Variants in RGS22 observed in about 807,000 individuals in gnomAD.
The protein encoded by RGS22 is regulator of G-protein signaling 22.
A neutral mutation model predicts 172.9 loss-of-function variants in RGS22; 148 were observed. The ratio of observed to expected loss-of-function variants is 0.86; its 90% CI spans 0.75 to 0.98. RGS22 has a LOEUF of 0.98. Ranked by LOEUF, RGS22 falls within the 50% of genes least tolerant of loss-of-function variation. The pLI, the probability that RGS22 is intolerant of heterozygous loss-of-function variation, is 0.00. For missense variants in RGS22, 1,347 were observed against 1,440.8 expected (o/e 0.93, Z 1.05); for synonymous variants, 458 against 480.2 (o/e 0.95, Z 0.60).
In RGS22 at chr8:99,967,023, C is replaced by G. The variant is rs142485956; in HGVS notation, c.3520-1593G>C. Among the ~76,000 whole-genome samples, 269 of 152,304 alleles carry G rather than the reference C, an allele frequency of 1.8e-3. 6 individuals carry two copies. The East Asian group carries it at 0.048, about 27-fold the overall frequency. On this transcript the variant is annotated intron_variant, in intron 23 of 27. Coordinates refer to ENST00000360863, the MANE Select transcript of RGS22 (RefSeq NM_015668.5). ...GATTTCTGCATTTTCTCCTGAGGTA[C>G]TTGTTCATCTCATTGGGACCAGTTA...
chr8:100,088,827 AGAT>A (rs1812348021), intron 3 of RGS22, among the ~76,000 whole-genome samples: 1 of 152,032 alleles, frequency 6.6e-6, no homozygotes, highest in South Asian at 2.1e-4. Context: ...ATGTCATTAC[AGAT>A]AGGGAAAAAG....
chr8:100,079,589 T>C (rs960083791), intron 4 of RGS22, among the ~76,000 whole-genome samples: 3 of 152,160 alleles, frequency 2.0e-5, no homozygotes, highest in Admixed American at 6.5e-5. Flanking sequence ...AAGGCATCAT[T>C]TGACAGATGA....
chr8:100,083,294 A>T (rs1196661522), intron 3 of RGS22, among the ~76,000 whole-genome samples: 1 of 152,184 alleles, frequency 6.6e-6, no homozygotes, highest in Non-Finnish European at 1.5e-5. Flanking sequence ...TGTAAAAATT[A>T]CTAACTCTCT....
intron 2 of RGS22, among the ~76,000 whole-genome samples, chr8:100,104,329 CGTGTGTGTGT>C (rs34385626): frequency 2.6e-4 from 37 of 140,404 alleles, no homozygotes; most frequent in South Asian, 4.6e-4. Flanking sequence ...AAAATATGTG[CGTGTGTGTGT>C]GTGTGTGTGT....
At chr8:100,032,369 A>G (rs1818915317) in intron 14 of RGS22, among the ~76,000 whole-genome samples, 1 of 152,212 alleles carries the variant, frequency 6.6e-6, no homozygotes, top group Admixed American at 6.5e-5. Flanking sequence ...TTGCAATCCT[A>G]GTCTCTGATA....
Position 99,995,729 on chromosome 8 carries a change from A to G in RGS22, c.3018+733T>C, listed in dbSNP as rs185135237. On this transcript the variant is annotated intron_variant, in intron 20 of 27. Coordinates refer to ENST00000360863, the MANE Select transcript of RGS22 (RefSeq NM_015668.5). ...GATTCCTCAAGGATCTAGAACTAGAATTACCATTTGACTCAGCAATCCCAT... is the reference window on the plus strand; with the variant it reads ...GATTCCTCAAGGATCTAGAACTAGAGTTACCATTTGACTCAGCAATCCCAT... Among the ~76,000 whole-genome samples, 385 of 152,344 alleles carry G rather than the reference A, an allele frequency of 2.5e-3. 2 individuals carry two copies. Among genetic ancestry groups the G allele is most frequent in the African/African-American group, 9.0e-3 (373 of 41,576 alleles).
In RGS22 at chr8:100,066,350, T is replaced by C. The variant is rs1187013603; in HGVS notation, c.595-54A>G. 40 of 1,439,802 alleles carry C rather than the reference T, an allele frequency of 2.8e-5. No individual in the cohort carries two copies. In the East Asian group the frequency reaches 9.2e-4, roughly 33 times the overall value. 89.2% of individuals were successfully genotyped at this position (1,439,802 alleles called of 1,614,324 possible). On this transcript the variant is annotated intron_variant, in intron 6 of 27. Coordinates refer to ENST00000360863, the MANE Select transcript of RGS22 (RefSeq NM_015668.5). ...CATATGATTAGCAGTATTACTCTGA[T>C]CACAAACCTGGAAAAATCATTATAA...
At chr8:100,066,424 G>A (rs1810542000) in intron 6 of RGS22, 128 bp from the exon 7 acceptor site, 3 of 683,028 alleles carry the variant, frequency 4.4e-6, no homozygotes, top group African/African-American at 1.8e-5. Flanking sequence ...ATTATCTCAT[G>A]AAGGAAAATA....
intron 20 of RGS22, among the ~76,000 whole-genome samples, chr8:99,993,840 G>A (rs570764820): frequency 2.8e-4 from 42 of 152,194 alleles, no homozygotes; most frequent in African/African-American, 9.9e-4. Flanking sequence ...CAATATCCCC[G>A]ACAAACATCG....
intron 21 of RGS22, among the ~76,000 whole-genome samples, chr8:99,985,551 A>G (rs1813004147): frequency 6.6e-6 from 1 of 152,182 alleles, no homozygotes; most frequent in Non-Finnish European, 1.5e-5. Context: ...GTTCTCATGG[A>G]TGTCTTCCTG....
intron 13 of RGS22, 113 bp from the exon 14 acceptor site, chr8:100,039,145 G>A: frequency 2.1e-6 from 1 of 480,636 alleles, no homozygotes; most frequent in Non-Finnish European, 3.6e-6. Flanking sequence ...CATAAATCAG[G>A]TTCAATTTAA....
chr8:100,006,044 A>C lies in RGS22; in HGVS notation c.2427T>G (p.His809Gln), dbSNP rs946285067. Reference sequence around the variant, plus strand: ...CAGCTTTCTTGGAAAATGTCTCTTTATGCAAAGCCTGTAGCTTTCTGAAGT... The same window carrying C: ...CAGCTTTCTTGGAAAATGTCTCTTTCTGCAAAGCCTGTAGCTTTCTGAAGT... ...STYFRKLQAL[H>Q]KETFSKKAED... Residue 809 changes from histidine (H) to glutamine (Q), a missense_variant, in exon 16 of 28, where the codon CAT (histidine) becomes CAG (glutamine). Coordinates refer to ENST00000360863, the MANE Select transcript of RGS22 (RefSeq NM_015668.5). 4 of 1,613,290 alleles carry C rather than the reference A, an allele frequency of 2.5e-6. No homozygotes were observed. The highest frequency in any genetic ancestry group is 1.7e-5 in the Admixed American group (1 of 59,908).
chr8:100,089,591 C>A (rs1380894230), intron 3 of RGS22, among the ~76,000 whole-genome samples: 1 of 152,084 alleles, frequency 6.6e-6, no homozygotes, highest in Non-Finnish European at 1.5e-5. Context: ...TTTGGCAGAG[C>A]AACTCTTAAC....
At chr8:100,081,336 G>A (rs941696086) in intron 3 of RGS22, among the ~76,000 whole-genome samples, 36 of 144,190 alleles carry the variant, frequency 2.5e-4, no homozygotes, top group African/African-American at 9.2e-4. Flanking sequence ...GGAACTAGAA[G>A]TATGTGTATA....
Position 100,063,717 on chromosome 8 carries a change from CTT to C in RGS22, c.1049_1050del (p.Lys350SerfsTer4). 1 of 1,613,922 alleles carries C rather than the reference CTT, an allele frequency of 6.2e-7. No homozygotes were observed. The highest frequency in any genetic ancestry group is 8.5e-7 in the Non-Finnish European group (1 of 1,179,920). On this transcript the variant is annotated frameshift_variant, in exon 8 of 28. Transcript: ENST00000360863. LOFTEE classifies it high-confidence loss of function. ...PDYINFNNIT[K>X]VSFDDCFESI... is the part of the protein sequence containing the mutation. ...GACTCAAAACAATCATCAAATGACA[CTT>C]TTGTTATATTGTTGAAGTTTATATA...
intron 6 of RGS22, among the ~76,000 whole-genome samples, chr8:100,069,121 A>G (rs1217920841): frequency 6.6e-6 from 1 of 151,584 alleles, no homozygotes; most frequent in Non-Finnish European, 1.5e-5. Flanking sequence ...ATGCAAATGA[A>G]AAAAAAAAGT....
chr8:100,043,531 C>CT (rs1449144959), intron 11 of RGS22, among the ~76,000 whole-genome samples: 1 of 152,056 alleles, frequency 6.6e-6, no homozygotes, highest in Non-Finnish European at 1.5e-5. Flanking sequence ...AATCCCAGCA[C>CT]TTGGGAGGCT....
At position 100,004,047 on chromosome 8, in the gene RGS22, T is replaced by G. The variant is rs1815400567; in HGVS notation, c.2506A>C (p.Lys836Gln). Residue 836 changes from lysine (K) to glutamine (Q), a missense_variant, in exon 17 of 28, where the codon AAA (lysine) becomes CAA (glutamine). Transcript: ENST00000360863. The stretch of plus-strand genomic sequence containing the variant: ...ACATTATCCCAATATTCTGTTCGTT[T>G]AGAGACGTTAGAGAGTGATAAAATG... ...TGILSLSNVS[K>Q]RTEYWDNVPA... 6.2e-7 allele frequency: 1 copy of G among 1,611,336 alleles called. No homozygotes were observed. The highest frequency in any genetic ancestry group is 8.5e-7 in the Non-Finnish European group (1 of 1,178,518).
chr8:99,961,515 G>C (rs1810187388), intron 27 of RGS22, among the ~76,000 whole-genome samples: 1 of 152,142 alleles, frequency 6.6e-6, no homozygotes. Flanking sequence ...TCTTGAAGAA[G>C]GACATGTTTG....
Sources: allele counts gnomAD v4.1 joint callset (sites outside exome capture counted in the v4.1 genomes callset), GRCh38; gene constraint gnomAD v4.1.1; transcripts MANE v1.5; gene names NCBI Gene and HGNC (gene_info 2026-07-23, HGNC 2026-07-21).